Variants in PROP1 observed in about 807,000 individuals in gnomAD.
PROP1 encodes the protein PROP paired-like homeobox 1.
Under a neutral mutation model 22.3 loss-of-function variants are expected in PROP1, and 12 were observed. That is an observed-to-expected ratio of 0.54 (90% CI 0.34 to 0.87). PROP1 has a LOEUF of 0.87. Ranked by LOEUF, PROP1 falls within the 40% of genes least tolerant of loss-of-function variation. The probability of loss-of-function intolerance (pLI) is 0.01; values close to 1 mark genes in which losing one functional copy is unlikely to be tolerated. For synonymous variants in PROP1, 112 were observed against 116.7 expected (o/e 0.96, Z 0.26); for missense variants, 278 against 295.1 (o/e 0.94, Z 0.43).
intron 1 of PROP1, among the ~76,000 whole-genome samples, 185 bp from the exon 2 acceptor site, chr5:177,994,523 G>A (rs1436998770): frequency 2.6e-5 from 4 of 151,848 alleles, no homozygotes; most frequent in East Asian, 1.9e-4. Context: ...CTGCAGCCTC[G>A]AACCCCTGGG....
intron 1 of PROP1, 61 bp from the exon 2 acceptor site, chr5:177,994,399 C>A (rs1755705311): frequency 2.1e-5 from 30 of 1,408,194 alleles, no homozygotes; most frequent in Non-Finnish European, 2.6e-5. Flanking sequence ...TGCTGGACCA[C>A]ATGTGCCTGT....
intron 1 of PROP1, among the ~76,000 whole-genome samples, chr5:177,994,948 C>A (rs1755728240): frequency 6.6e-6 from 1 of 152,128 alleles, no homozygotes; most frequent in African/African-American, 2.4e-5. Context: ...CAGACACATA[C>A]CCCTCCATGT....
At position 177,992,813 on chromosome 5, in the gene PROP1, C is replaced by G; in HGVS notation, c.577G>C (p.Asp193His). Residue 193 changes from aspartate to histidine, a missense_variant, in exon 3 of 3, where the codon GAC becomes CAC. By Grantham distance (81) the Asp-to-His change is moderately conservative. Transcript: ENST00000308304. ...GCTGGGTGCAAGGTAGGGTACCAGTCCTCAGACTGGTGTGACAAAGCAAAG... is the reference window on the plus strand; with the variant it reads ...GCTGGGTGCAAGGTAGGGTACCAGTGCTCAGACTGGTGTGACAAAGCAAAG... The part of the protein sequence containing the change: ...GAFALSHQSE[D>H]WYPTLHPAPA... 1 of 1,609,328 alleles carries G rather than the reference C, an allele frequency of 6.2e-7. No individual in the cohort carries two copies. Among genetic ancestry groups the G allele is most frequent in the Non-Finnish European group, 8.5e-7 (1 of 1,177,874 alleles).
At position 177,992,629 on chromosome 5, in the gene PROP1, T is replaced by G; in HGVS notation, c.*80A>C. ...ACCATGCATCTGCTTCACCCATAGA[T>G]GGAAAGGAAGCCACCCCATTTTCTT... On this transcript the variant is annotated 3_prime_UTR_variant, in exon 3 of 3. Transcript: ENST00000308304. The G allele has an allele frequency of 4.2e-6, 4 of 956,178 alleles. No homozygotes were observed. Among genetic ancestry groups the G allele is most frequent in the Non-Finnish European group, 4.7e-6 (3 of 636,994 alleles). The allele number at this position is 956,178 out of a possible 1,614,324, so 59.2% of individuals were successfully genotyped here.
intron 1 of PROP1, 27 bp downstream of exon 1, chr5:177,995,797 AC>A: frequency 1.3e-6 from 2 of 1,573,626 alleles, no homozygotes; most frequent in Non-Finnish European, 1.7e-6. Flanking sequence ...CTCCTCAGGG[AC>A]CCACGCACAC....
chr5:177,994,067 G>T (rs1375364750), intron 2 of PROP1, 39 bp downstream of exon 2: 1 of 1,590,436 alleles, frequency 6.3e-7, no homozygotes, highest in South Asian at 1.1e-5. Flanking sequence ...AAAGAAATCT[G>T]CATTTCTTTC....
chr5:177,994,974 GAC>G (rs1315790346), intron 1 of PROP1, among the ~76,000 whole-genome samples: 2 of 152,068 alleles, frequency 1.3e-5, no homozygotes, highest in Non-Finnish European at 2.9e-5. Flanking sequence ...CACCCTTCTG[GAC>G]ACACACGACC....
At chr5:177,994,014 A>G in intron 2 of PROP1, 92 bp downstream of exon 2, 4 of 1,378,494 alleles carry the variant, frequency 2.9e-6, no homozygotes, top group Non-Finnish European at 4.1e-6. Flanking sequence ...TCTGGTGACC[A>G]TTTAGGTTAG....
Position 177,996,233 on chromosome 5 carries a change from A to C in PROP1, c.-300T>G. ...TTTTCTCTGCCTGGCCCTTCTCCCC[A>C]CCGGGATGCTGCTCCCTTCTGTCAG... On this transcript the variant is annotated 5_prime_UTR_variant, in exon 1 of 3. Transcript: ENST00000308304. The C allele has an allele frequency of 2.3e-6, 1 of 442,532 alleles. No individual in the cohort carries two copies. The highest frequency in any genetic ancestry group is 4.2e-6 in the Non-Finnish European group (1 of 239,184). The allele number at this position is 442,532 out of a possible 1,614,324, so 27.4% of individuals were successfully genotyped here.
chr5:177,992,453 T>G lies in PROP1; in HGVS notation c.*256A>C. On this transcript the variant is annotated 3_prime_UTR_variant, in exon 3 of 3. Coordinates refer to ENST00000308304, the MANE Select transcript of PROP1 (RefSeq NM_006261.5). The stretch of plus-strand genomic sequence containing the variant: ...CTCCACTCACCAGCAACTGTCTTCA[T>G]CAATATCACCCTTCAGCAGGCAGCT... The G allele has an allele frequency of 1.9e-6, 1 of 530,322 alleles. No homozygotes were observed. The highest frequency in any genetic ancestry group is 3.3e-6 in the Non-Finnish European group (1 of 298,752). The allele number at this position is 530,322 out of a possible 1,614,324, so 32.9% of individuals were successfully genotyped here.
Position 177,994,169 on chromosome 5 carries a change from G to A in PROP1, c.279C>T (p.Tyr93=). 12 of 1,614,180 alleles carry A rather than the reference G, an allele frequency of 7.4e-6. No homozygotes were observed. The highest frequency in any genetic ancestry group is 9.3e-6 in the Non-Finnish European group (11 of 1,180,026). Residue 93 remains tyrosine, a synonymous_variant, in exon 2 of 3, where the codon TAC becomes TAT. Coordinates refer to ENST00000308304, the MANE Select transcript of PROP1 (RefSeq NM_006261.5). ...GACTCTCTCGGGCCCAGATGTCGGG[G>A]TACTGGTTCCTCCCAAAGGCTGACT... ...QLESAFGRNQ[Y]PDIWARESLA...
rs137853100 is a variant in PROP1, at chr5:177,994,152, C to T, written c.296G>A (p.Arg99Gln). ...GRNQYPDIWA[R>Q]ESLARDTGLS... ...GCCAGTGTCCCGGGCAAGACTCTCT[C>T]GGGCCCAGATGTCGGGGTACTGGTT... is the stretch of plus-strand genomic sequence containing the variant. The change falls in exon 2 of 3, where the codon CGA becomes CAA. Residue 99 changes from arginine to glutamine, a missense_variant. By Grantham distance (43) the Arg-to-Gln change is conservative. Transcript: ENST00000308304. The T allele has an allele frequency of 1.4e-5, 22 of 1,614,044 alleles. No individual in the cohort carries two copies. Among genetic ancestry groups the T allele is most frequent in the Admixed American group, 1.3e-4 (8 of 60,014 alleles).
At chr5:177,993,089 T>G (rs749055035) in intron 2 of PROP1, 42 bp from the exon 3 acceptor site, 26 of 1,534,546 alleles carry the variant, frequency 1.7e-5, no homozygotes, top group Non-Finnish European at 2.3e-5. Context: ...ACACTTGACA[T>G]AGGTGGTGAC....
intron 2 of PROP1, 126 bp downstream of exon 2, chr5:177,993,980 G>T: frequency 1.0e-6 from 1 of 963,116 alleles, no homozygotes; most frequent in Non-Finnish European, 1.7e-6. Flanking sequence ...TTGCTCTGAT[G>T]CTGGTGGTGA....
chr5:177,994,803 C>T (rs1051412223), intron 1 of PROP1, among the ~76,000 whole-genome samples: 5 of 152,088 alleles, frequency 3.3e-5, no homozygotes, highest in African/African-American at 1.2e-4. Context: ...AGCCTCGGCC[C>T]CTGGTTGCCT....
At chr5:177,995,535 G>A (rs4610479) in intron 1 of PROP1, among the ~76,000 whole-genome samples, 3 of 150,614 alleles carry the variant, frequency 2.0e-5, no homozygotes, top group Admixed American at 2.0e-4. Flanking sequence ...GAAGGCAGTG[G>A]CTTGGGCTAA....
At position 177,993,031 on chromosome 5, in the gene PROP1, C is replaced by A; in HGVS notation, c.359G>T (p.Arg120Leu). ...EARIQVWFQN[R>L]RAKQRKQERS... ...CTCTTGCTTCCGTTGCTTAGCTCTG[C>A]GGTTCTGGAACCAGACCTGAGAAGG... The change falls in exon 3 of 3, where the codon CGC becomes CTC. Residue 120 changes from arginine (R) to leucine (L), a missense_variant. By Grantham distance (102) the Arg-to-Leu change is moderately radical. Coordinates refer to ENST00000308304, the MANE Select transcript of PROP1 (RefSeq NM_006261.5). 6.2e-7 allele frequency: 1 copy of A among 1,613,428 alleles called. No homozygotes were observed. The highest frequency in any genetic ancestry group is 8.5e-7 in the Non-Finnish European group (1 of 1,179,786).
At chr5:177,994,013 C>A (rs1287972346) in intron 2 of PROP1, 93 bp downstream of exon 2, 3 of 1,353,948 alleles carry the variant, frequency 2.2e-6, no homozygotes, top group Non-Finnish European at 3.2e-6. Flanking sequence ...GTCTGGTGAC[C>A]ATTTAGGTTA....
At chr5:177,995,401 C>A (rs887003266) in intron 1 of PROP1, among the ~76,000 whole-genome samples, 1 of 152,078 alleles carries the variant, frequency 6.6e-6, no homozygotes, top group Admixed American at 6.5e-5. Flanking sequence ...GAGGCACCAT[C>A]CCCATGGGGC....
Sources: allele counts gnomAD v4.1 joint callset (sites outside exome capture counted in the v4.1 genomes callset), GRCh38; gene constraint gnomAD v4.1.1; transcripts MANE v1.5; gene names NCBI Gene and HGNC (gene_info 2026-07-23, HGNC 2026-07-21).